The following SNX22 variants were observed in gnomAD, a reference collection of about 807,000 sequenced individuals.
SNX22 encodes sorting nexin-22.
SNX22 carries 23 observed loss-of-function variants against 24.7 expected under a neutral mutation model. The ratio of observed to expected loss-of-function variants is 0.93; its 90% CI spans 0.67 to 1.32. The LOEUF is 1.32. Ranked by LOEUF, SNX22 falls within the 40% of genes most tolerant of loss-of-function variation. The pLI, the probability that SNX22 is intolerant of heterozygous loss-of-function variation, is 0.00. For missense variants in SNX22, 261 were observed against 249.9 expected, an observed-to-expected ratio of 1.04 and a Z score of -0.30; for synonymous variants, 99 against 104.0, an observed-to-expected ratio of 0.95 and a Z score of 0.29.
At chr15:64,152,486 G>C (rs1456109376) in intron 2 of SNX22, 152 bp from the exon 3 acceptor site, 1 of 1,198,064 alleles carries the variant, frequency 8.3e-7, no homozygotes, top group Non-Finnish European at 1.2e-6. Flanking sequence ...GGGTGGGTTG[G>C]GGCCTTCCTC....
At chr15:64,153,509 C>A in intron 4 of SNX22, 143 bp from the exon 5 acceptor site, 2 of 1,492,024 alleles carry the variant, frequency 1.3e-6, no homozygotes, top group East Asian at 2.3e-5. Flanking sequence ...CTTGGTTACC[C>A]CCGCCACCTC....
rs1596023017 is a variant in SNX22 at position 64,152,237 on chromosome 15, C to T, written c.76-6C>T. 1.4e-6 allele frequency: 2 copies of T among 1,398,156 alleles called. No individual in the cohort carries two copies. The highest frequency in any genetic ancestry group is 1.8e-6 in the Non-Finnish European group (2 of 1,086,728). 86.6% of individuals were successfully genotyped at this position (1,398,156 alleles called of 1,614,324 possible). On this transcript the variant is annotated splice_polypyrimidine_tract_variant and splice_region_variant and intron_variant, in intron 1 of 6. Coordinates refer to ENST00000325881, the MANE Select transcript of SNX22 (RefSeq NM_024798.3). ...GCGCAGACCCGCTGCCCGCCCGCGC[C>T]GCCAGGTGTTCCGAGTGGAGGTGCT... is the stretch of plus-strand genomic sequence containing the variant.
Position 64,157,291 on chromosome 15 carries a change from A to C in SNX22, c.*2783A>C. The C allele has an allele frequency of 4.0e-6, 1 of 250,264 alleles. No individual in the cohort carries two copies. The highest frequency in any genetic ancestry group is 7.8e-6 in the Non-Finnish European group (1 of 127,466). 15.5% of individuals were successfully genotyped at this position (250,264 alleles called of 1,614,324 possible). A position where few individuals can be genotyped will look rare whatever the true frequency, so the allele number is the denominator to read the frequency against. Reference sequence around the variant, plus strand: ...GGAGTCAACAGGGTCGGAACTCTCCAGAAAAGGAGGACTGCTGTGGCTGAC... The same window carrying C: ...GGAGTCAACAGGGTCGGAACTCTCCCGAAAAGGAGGACTGCTGTGGCTGAC... On this transcript the variant is annotated 3_prime_UTR_variant, in exon 7 of 7. Transcript: ENST00000325881. The surrounding 1 kb of genome is among the most constrained non-coding windows in gnomAD (Gnocchi z 4.2).
chr15:64,152,222 G>T, intron 1 of SNX22, 21 bp from the exon 2 acceptor site: 1 of 1,389,384 alleles, frequency 7.2e-7, no homozygotes, highest in South Asian at 1.6e-5. Flanking sequence ...GCGCAGACCC[G>T]CTGCCCGCCC....
Position 64,155,152 on chromosome 15 carries a change from T to C in SNX22, c.*644T>C, listed in dbSNP as rs62024247. The C allele has an allele frequency of 0.74, 111,222 of 151,222 alleles. 42,591 individuals carry two copies. Among genetic ancestry groups the C allele is most frequent in the East Asian group, 0.88 (4,370 of 4,950 alleles). The allele number at this position is 151,222 out of a possible 1,614,324, so 9.4% of individuals were successfully genotyped here. ...CTAATTTTTGTATTTTTAATAGAGA[T>C]GGGTTTCACCACGTTGGCCAGGCTG... On this transcript the variant is annotated 3_prime_UTR_variant, in exon 7 of 7. Transcript: ENST00000325881.
chr15:64,154,284 T>G, intron 6 of SNX22, 103 bp from the exon 7 acceptor site: 1 of 1,583,802 alleles, frequency 6.3e-7, no homozygotes, highest in Non-Finnish European at 8.6e-7. Context: ...TGCTGTCTGC[T>G]GCCTTGGCAG....
At chr15:64,152,544 G>T (rs752322939) in intron 2 of SNX22, 94 bp from the exon 3 acceptor site, 17 of 1,360,308 alleles carry the variant, frequency 1.2e-5, no homozygotes, top group Admixed American at 5.9e-5. Flanking sequence ...AGTAGAGCCC[G>T]AAGGCGGGGG....
At position 64,155,488 on chromosome 15, in the gene SNX22, A is replaced by ACATAGTGAGACCTGTC; in HGVS notation, c.*981_*996dup. The stretch of plus-strand genomic sequence containing the variant: ...TGGAAGTTTGAGACCAGCCAGCGCA[A>ACATAGTGAGACCTGTC]CATAGTGAGACCTGTCTCTACCAAA... On this transcript the variant is annotated 3_prime_UTR_variant, in exon 7 of 7. Coordinates refer to ENST00000325881, the MANE Select transcript of SNX22 (RefSeq NM_024798.3). 1 of 161,000 alleles carries ACATAGTGAGACCTGTC rather than the reference A, an allele frequency of 6.2e-6. No homozygotes were observed. The highest frequency in any genetic ancestry group is 1.7e-4 in the East Asian group (1 of 5,720). 10.0% of individuals were successfully genotyped at this position (161,000 alleles called of 1,614,324 possible). A position where few individuals can be genotyped will look rare whatever the true frequency, so the allele number is the denominator to read the frequency against.
At chr15:64,152,068 C>T in intron 1 of SNX22, 175 bp from the exon 2 acceptor site, 1 of 777,858 alleles carries the variant, frequency 1.3e-6, no homozygotes, top group Non-Finnish European at 1.9e-6. Flanking sequence ...AGGGGCAGGT[C>T]CGCCAGCCGG....
chr15:64,153,815 C>A, intron 5 of SNX22, 120 bp from the exon 6 acceptor site: 1 of 1,589,374 alleles, frequency 6.3e-7, no homozygotes, highest in Non-Finnish European at 8.6e-7. Flanking sequence ...GCCTCCTGAG[C>A]CCATTTCCCA....
At chr15:64,152,405 C>T in intron 2 of SNX22, 79 bp downstream of exon 2, 1 of 1,403,030 alleles carries the variant, frequency 7.1e-7, no homozygotes, top group Non-Finnish European at 9.5e-7. Context: ...GGCGGGCGGG[C>T]GAGCCCCAGC....
chr15:64,155,859 G>A lies in SNX22; in HGVS notation c.*1351G>A, dbSNP rs1359322214. 2 of 1,017,870 alleles carry A rather than the reference G, an allele frequency of 2.0e-6. No individual in the cohort carries two copies. The highest frequency in any genetic ancestry group is 3.8e-5 in the Admixed American group (2 of 52,020). 63.1% of individuals were successfully genotyped at this position (1,017,870 alleles called of 1,614,324 possible). ...CCCACATTTTTTTTTATTGGTCAGT[G>A]TTGGTAGGAGTTTGTTACAAAAGTG... is the stretch of plus-strand genomic sequence containing the variant. On this transcript the variant is annotated 3_prime_UTR_variant, in exon 7 of 7. Coordinates refer to ENST00000325881, the MANE Select transcript of SNX22 (RefSeq NM_024798.3).
At chr15:64,154,176 C>T (rs1280846674) in intron 6 of SNX22, 174 bp downstream of exon 6, 2 of 1,573,802 alleles carry the variant, frequency 1.3e-6, no homozygotes, top group Admixed American at 1.9e-5. Context: ...AGTTTGGCTT[C>T]CCTGGTCTCC....
Position 64,154,401 on chromosome 15 carries a change from G to T in SNX22, c.475G>T (p.Val159Leu), listed in dbSNP as rs144984080. ...CTATCCCACAGAGTCGCTGCCCAACGTGGTGGTGAATGGTGTGCTCCAGGG... is the reference window on the plus strand; with the variant it reads ...CTATCCCACAGAGTCGCTGCCCAACTTGGTGGTGAATGGTGTGCTCCAGGG... ...CNPSPESLPN[V>L]VVNGVLQGLY... Residue 159 changes from valine (V) to leucine (L), a missense_variant, in exon 7 of 7, where the codon GTG becomes TTG. By Grantham distance (32) the Val-to-Leu change is conservative. Coordinates refer to ENST00000325881, the MANE Select transcript of SNX22 (RefSeq NM_024798.3). 5 of 1,614,176 alleles carry T rather than the reference G, an allele frequency of 3.1e-6. No individual in the cohort carries two copies. Among genetic ancestry groups the T allele is most frequent in the Non-Finnish European group, 4.2e-6 (5 of 1,180,026 alleles).
chr15:64,152,800 A>G (rs2081497161), intron 3 of SNX22, 58 bp downstream of exon 3: 1 of 1,510,238 alleles, frequency 6.6e-7, no homozygotes, highest in South Asian at 1.1e-5. Flanking sequence ...TGTGGCCCAG[A>G]CAGAGAGGTG....
At chr15:64,153,620 C>G (rs1480454767) in intron 4 of SNX22, 32 bp from the exon 5 acceptor site, 2 of 1,613,958 alleles carry the variant, frequency 1.2e-6, no homozygotes, top group African/African-American at 2.7e-5. Context: ...CCGGCATCCC[C>G]AGGCAGCTTA....
Position 64,151,767 on chromosome 15 carries a change from G to A in SNX22, c.-9G>A. On this transcript the variant is annotated 5_prime_UTR_variant, in exon 1 of 7. Coordinates refer to ENST00000325881, the MANE Select transcript of SNX22 (RefSeq NM_024798.3). ...CCGAGCGCGCGGAGCAGCTGGGGCC[G>A]GGGCGCGGATGCTGGAAGTTCACAT... is the stretch of plus-strand genomic sequence containing the variant. 1 of 1,532,304 alleles carries A rather than the reference G, an allele frequency of 6.5e-7. No homozygotes were observed. The highest frequency in any genetic ancestry group is 8.8e-7 in the Non-Finnish European group (1 of 1,142,112). 94.9% of individuals were successfully genotyped at this position (1,532,304 alleles called of 1,614,324 possible).
At chr15:64,152,416 C>G in intron 2 of SNX22, 90 bp downstream of exon 2, 1 of 1,363,270 alleles carries the variant, frequency 7.3e-7, no homozygotes, top group Non-Finnish European at 9.9e-7. Context: ...GAGCCCCAGC[C>G]TCCGCCACCC....
rs1596027942 is a variant in SNX22 at position 64,156,666 on chromosome 15, G to A, written c.*2158G>A. 4 of 1,596,066 alleles carry A rather than the reference G, an allele frequency of 2.5e-6. No homozygotes were observed. The highest frequency in any genetic ancestry group is 4.5e-5 in the East Asian group (2 of 44,782). On this transcript the variant is annotated 3_prime_UTR_variant, in exon 7 of 7. Coordinates refer to ENST00000325881, the MANE Select transcript of SNX22 (RefSeq NM_024798.3). The surrounding 1 kb of genome is among the most constrained non-coding windows in gnomAD (Gnocchi z 6.4). ...GGACACATGGAGCTCCTGCCCTGGGGTCTGTGTTGAATCCCCGGTGAGGAT... is the reference window on the plus strand; with the variant it reads ...GGACACATGGAGCTCCTGCCCTGGGATCTGTGTTGAATCCCCGGTGAGGAT...
Sources: allele counts gnomAD v4.1 joint callset, GRCh38; gene constraint gnomAD v4.1.1; non-coding constraint Gnocchi (gnomAD v3.1); transcripts MANE v1.5; gene names NCBI Gene and HGNC (gene_info 2026-07-23, HGNC 2026-07-21).